Variants in LBP observed in about 807,000 individuals in gnomAD.
LBP encodes the protein lipopolysaccharide-binding protein.
LBP carries 53 observed loss-of-function variants against 56.6 expected under a neutral mutation model. That is an observed-to-expected ratio of 0.94 (90% CI 0.75 to 1.18). The LOEUF (loss-of-function observed/expected upper bound fraction) is 1.18. Among genes scored for constraint, LBP ranks in the 50% most tolerant of loss-of-function variants. LBP has a pLI of 0.00. For missense variants in LBP, 601 were observed against 598.3 expected, an observed-to-expected ratio of 1.00 and a Z score of -0.05; for synonymous variants, 227 against 247.5, an observed-to-expected ratio of 0.92 and a Z score of 0.78.
chr20:38,374,127 T>A, intron 14 of LBP, 114 bp downstream of exon 14: 1 of 1,103,026 alleles, frequency 9.1e-7, no homozygotes. Context: ...GCTGGGAAAG[T>A]CTGGCCAGGG....
chr20:38,356,509 AAACAGG>A (rs2076841752), intron 5 of LBP, among the ~76,000 whole-genome samples: 1 of 151,576 alleles, frequency 6.6e-6, no homozygotes, highest in Non-Finnish European at 1.5e-5. Flanking sequence ...CTCGTGGTTG[AAACAGG>A]AACAGCAGGC....
Position 38,365,718 on chromosome 20 carries a change from AT to A in LBP, c.921+967del, listed in dbSNP as rs1260613972. 8.1e-3 allele frequency among the ~76,000 whole-genome samples: 216 copies of A among 26,636 alleles called. 2 individuals are homozygous for A. Among genetic ancestry groups the A allele is most frequent in the African/African-American group, 0.025 (205 of 8,332 alleles). 17.5% of individuals were successfully genotyped at this position (26,636 alleles called of 152,430 possible). A position where few individuals can be genotyped will look rare whatever the true frequency, so the allele number is the denominator to read the frequency against. On this transcript the variant is annotated intron_variant, in intron 8 of 14. Coordinates refer to ENST00000217407, the MANE Select transcript of LBP (RefSeq NM_004139.5). The stretch of plus-strand genomic sequence containing the variant: ...TCTCAAAAAAAAAAAAAAAAAAAAA[AT>A]ATATATATATATATATATATATATA...
chr20:38,374,921 C>A (rs575856112), intron 14 of LBP, among the ~76,000 whole-genome samples: 9 of 149,120 alleles, frequency 6.0e-5, no homozygotes, highest in African/African-American at 2.2e-4. Context: ...GTGGCTGGAA[C>A]TACAGGCTCC....
In LBP at chr20:38,376,323, T is replaced by C. The variant is rs149832282; in HGVS notation, c.1402-302T>C. ...AGAGCAGGAGAGTACACCCTAGCAG[T>C]TCACAATTTTTCATTATTTGCCAAA... On this transcript the variant is annotated intron_variant, in intron 14 of 14. Coordinates refer to ENST00000217407, the MANE Select transcript of LBP (RefSeq NM_004139.5). Among the ~76,000 whole-genome samples, 779 of 152,274 alleles carry C rather than the reference T, an allele frequency of 5.1e-3. 4 individuals are homozygous for C. The highest frequency in any genetic ancestry group is 0.018 in the African/African-American group (744 of 41,550).
In LBP at chr20:38,376,717, C is replaced by G. The variant is rs781723375; in HGVS notation, c.*48C>G. The G allele has an allele frequency of 8.5e-6, 13 of 1,532,390 alleles. No individual in the cohort carries two copies. Among genetic ancestry groups the G allele is most frequent in the Non-Finnish European group, 9.9e-6 (11 of 1,106,088 alleles). The allele number at this position is 1,532,390 out of a possible 1,614,324, so 94.9% of individuals were successfully genotyped here. A position where few individuals can be genotyped will look rare whatever the true frequency, so the allele number is the denominator to read the frequency against. ...AGGTCACAGCTGGATCTGCTTGTTG[C>G]ATTTCCAGCTGTGCAGCACGTCTCA... On this transcript the variant is annotated 3_prime_UTR_variant, in exon 15 of 15. Transcript: ENST00000217407.
In LBP at chr20:38,370,755, C is replaced by T. The variant is rs200477822; in HGVS notation, c.1167C>T (p.Ala389=). 1 of 1,614,118 alleles carries T rather than the reference C, an allele frequency of 6.2e-7. No individual in the cohort carries two copies. Among genetic ancestry groups the T allele is most frequent in the African/African-American group, 1.3e-5 (1 of 75,040 alleles). ...ATTTCCAGGCCACTAATGTGTCCGCCACCTTGACCTTCAATACCAGCAAGA... is the reference window on the plus strand; with the variant it reads ...ATTTCCAGGCCACTAATGTGTCCGCTACCTTGACCTTCAATACCAGCAAGA... The part of the protein sequence containing the change: ...FRLSVATNVS[A]TLTFNTSKIT... The change falls in exon 11 of 15, where the codon GCC becomes GCT. Residue 389 remains alanine, a synonymous_variant. Coordinates refer to ENST00000217407, the MANE Select transcript of LBP (RefSeq NM_004139.5).
At chr20:38,354,480 G>T (rs763677150) in intron 4 of LBP, 41 bp downstream of exon 4, 1 of 1,569,220 alleles carries the variant, frequency 6.4e-7, no homozygotes, top group African/African-American at 1.3e-5. Flanking sequence ...ACTCCTGGTT[G>T]CAGCTCCCGG....
At chr20:38,373,740 AAGTT>A (rs2076908548) in intron 13 of LBP, among the ~76,000 whole-genome samples, 193 bp from the exon 14 acceptor site, 1 of 149,522 alleles carries the variant, frequency 6.7e-6, no homozygotes, top group South Asian at 2.2e-4. Flanking sequence ...GACCTAGAAC[AAGTT>A]ACTTGGCCAC....
At chr20:38,362,293 C>T (rs139169382) in intron 6 of LBP, among the ~76,000 whole-genome samples, 8,658 of 145,910 alleles carry the variant, frequency 0.059, 305 homozygotes, top group South Asian at 0.12. Flanking sequence ...ATCTCCTGAC[C>T]TCGTGATCCG....
Position 38,350,965 on chromosome 20 carries a change from T to C in LBP, c.368+26T>C, listed in dbSNP as rs773920666. On this transcript the variant is annotated intron_variant, in intron 3 of 14. Coordinates refer to ENST00000217407, the MANE Select transcript of LBP (RefSeq NM_004139.5). ...GTAAGTTGGCTCTGCTCCCAGGCCC[T>C]GGAGCTCTTGGCCTTGGCCTTCGCC... is the stretch of plus-strand genomic sequence containing the variant. 3.7e-6 allele frequency: 6 copies of C among 1,608,712 alleles called. No individual in the cohort carries two copies. The African/African-American group carries it at 8.0e-5, about 21-fold the overall frequency.
chr20:38,366,695 G>A (rs1380469189), intron 8 of LBP, 74 bp from the exon 9 acceptor site: 2 of 1,375,838 alleles, frequency 1.5e-6, no homozygotes, highest in Non-Finnish European at 2.1e-6. Context: ...ACATCCCCCT[G>A]TCTCCCCAAT....
In LBP at chr20:38,349,662, G is replaced by A. The variant is rs373574120; in HGVS notation, c.239G>A (p.Ser80Asn). 40 of 1,587,170 alleles carry A rather than the reference G, an allele frequency of 2.5e-5. No homozygotes were observed. The African/African-American group carries it at 5.2e-4, about 21-fold the overall frequency. The change falls in exon 2 of 15, where the codon AGC (serine) becomes AAC (asparagine). Residue 80 changes from serine (S) to asparagine (N), a missense_variant and splice_region_variant. By Grantham distance (46) the Ser-to-Asn change is conservative. Transcript: ENST00000217407. Reference protein sequence around the residue: ...HVGRGRYEFHSLNIHSCELLH... With the variant: ...HVGRGRYEFHNLNIHSCELLH... ...GGCCGTGGGCGCTATGAGTTCCACA[G>A]GTGGGGCTCTCCCTTCTGCTGCGGC...
chr20:38,346,855 C>T (rs1186003497), intron 1 of LBP, among the ~76,000 whole-genome samples: 1 of 152,174 alleles, frequency 6.6e-6, no homozygotes, highest in African/African-American at 2.4e-5. Context: ...CTCCACCAGC[C>T]AACAGAACAC....
At chr20:38,361,342 A>T (rs1450389154) in intron 6 of LBP, among the ~76,000 whole-genome samples, 1 of 152,210 alleles carries the variant, frequency 6.6e-6, no homozygotes, top group Non-Finnish European at 1.5e-5. Context: ...TTTGTTCATG[A>T]ATCTATGTGT....
intron 11 of LBP, 41 bp from the exon 12 acceptor site, chr20:38,371,239 C>G (rs1345389690): frequency 6.3e-7 from 1 of 1,581,602 alleles, no homozygotes; most frequent in Non-Finnish European, 8.7e-7. Flanking sequence ...CTTAAACTTG[C>G]ATAAAGCCCA....
rs757130968 is a variant in LBP at position 38,350,819 on chromosome 20, TC to T, written c.250del (p.His84ThrfsTer10). The T allele has an allele frequency of 3.7e-6, 6 of 1,605,802 alleles. No individual in the cohort carries two copies. The South Asian group carries it at 6.6e-5, about 18-fold the overall frequency. On this transcript the variant is annotated frameshift_variant, in exon 3 of 15. Coordinates refer to ENST00000217407, the MANE Select transcript of LBP (RefSeq NM_004139.5). LOFTEE classifies it high-confidence loss of function. ...RGRYEFHSLN[I>X]HSCELLHSAL... ...CATGTCTCTCCCTTCAGCCTGAACA[TC>T]CACAGCTGTGAGCTGCTTCACTCTG...
intron 9 of LBP, 106 bp downstream of exon 9, chr20:38,366,934 C>A: frequency 1.9e-6 from 2 of 1,044,908 alleles, no homozygotes; most frequent in Non-Finnish European, 3.0e-6. Context: ...AGTGAGAAGG[C>A]CGGGATGAGA....
chr20:38,369,019 A>G lies in LBP; in HGVS notation c.1006A>G (p.Asn336Asp). The G allele has an allele frequency of 6.2e-7, 1 of 1,614,130 alleles. No homozygotes were observed. The highest frequency in any genetic ancestry group is 8.5e-7 in the Non-Finnish European group (1 of 1,180,020). ...PRLARLYPNMNLELQGSVPSA... is the reference protein window; with the variant it reads ...PRLARLYPNMDLELQGSVPSA... ...GTTAGCCAGGCTCTACCCCAACATG[A>G]ACCTGGAACTCCAGGGATCAGTGCC... The change falls in exon 10 of 15, where the codon AAC becomes GAC. Residue 336 changes from asparagine (N) to aspartate (D), a missense_variant. Transcript: ENST00000217407.
chr20:38,360,259 C>CAAAAAAA (rs11478545), intron 5 of LBP, among the ~76,000 whole-genome samples: 1 of 118,442 alleles, frequency 8.4e-6, no homozygotes. Context: ...GACTCCATCT[C>CAAAAAAA]AAAAAAAAAA....
Sources: gnomAD v4.1 joint callset for allele counts (sites outside exome capture counted in the v4.1 genomes callset) on GRCh38, gnomAD v4.1.1 for gene constraint, MANE v1.5 for transcripts, NCBI Gene and HGNC (gene_info 2026-07-23, HGNC 2026-07-21) for gene names.